The following TMEM38B variants were observed in gnomAD, a reference collection of about 807,000 sequenced individuals.
The protein encoded by TMEM38B is trimeric intracellular cation channel type B.
TMEM38B carries 24 observed loss-of-function variants against 28.7 expected under a neutral mutation model. The ratio of observed to expected loss-of-function variants is 0.84; its 90% CI spans 0.61 to 1.18. The LOEUF (loss-of-function observed/expected upper bound fraction) is 1.18, where lower values mean the gene tolerates loss of function less well. Ranked by LOEUF, TMEM38B falls within the 50% of genes most tolerant of loss-of-function variation. The pLI is 0.00. For missense variants in TMEM38B, 380 were observed against 350.9 expected, an observed-to-expected ratio of 1.08 and a Z score of -0.66; for synonymous variants, 131 against 127.7, an observed-to-expected ratio of 1.03 and a Z score of -0.17.
At chr9:105,766,246 C>CTGAT (rs1188272391) in intron 5 of TMEM38B, among the ~76,000 whole-genome samples, 2 of 152,186 alleles carry the variant, frequency 1.3e-5, no homozygotes, top group African/African-American at 4.8e-5. Context: ...TATGAGAGTT[C>CTGAT]TGATTGTCCT....
chr9:105,710,553 T>C (rs1331780163), intron 2 of TMEM38B: 1 of 995,104 alleles, frequency 1.0e-6, no homozygotes, highest in Non-Finnish European at 1.6e-6. Flanking sequence ...CCTCCACAAA[T>C]CCACTTTCTG....
intron 5 of TMEM38B, among the ~76,000 whole-genome samples, chr9:105,750,118 T>C (rs1163526461): frequency 6.6e-6 from 1 of 152,230 alleles, no homozygotes; most frequent in Non-Finnish European, 1.5e-5. Flanking sequence ...TTTTTTGTGC[T>C]TGTTAGGTAT....
intron 5 of TMEM38B, among the ~76,000 whole-genome samples, chr9:105,757,350 G>C (rs747189294): frequency 1.3e-5 from 2 of 152,056 alleles, no homozygotes; most frequent in Non-Finnish European, 2.9e-5. Flanking sequence ...TTTTGCAATT[G>C]CTAATTGTGC....
chr9:105,774,237 C>T lies in TMEM38B; in HGVS notation c.*157C>T, dbSNP rs1351946561. The T allele has an allele frequency of 1.6e-6, 1 of 625,662 alleles. No individual in the cohort carries two copies. The highest frequency in any genetic ancestry group is 2.1e-5 in the South Asian group (1 of 48,672). 38.8% of individuals were successfully genotyped at this position (625,662 alleles called of 1,614,324 possible). ...ATTCTTTGTTTGAGGGAGACTTCCCCTTTCTGGATTGTATTTGTAGAGTGT... is the reference window on the plus strand; with the variant it reads ...ATTCTTTGTTTGAGGGAGACTTCCCTTTTCTGGATTGTATTTGTAGAGTGT... On this transcript the variant is annotated 3_prime_UTR_variant, in exon 6 of 6. Coordinates refer to ENST00000374692, the MANE Select transcript of TMEM38B (RefSeq NM_018112.3).
chr9:105,747,427 C>G (rs959370038), intron 4 of TMEM38B, among the ~76,000 whole-genome samples: 3 of 152,154 alleles, frequency 2.0e-5, no homozygotes, highest in East Asian at 1.9e-4. Context: ...GTGATATCCC[C>G]TTTATCATTT....
At chr9:105,736,432 C>A (rs1201265379) in intron 4 of TMEM38B, among the ~76,000 whole-genome samples, 1 of 151,894 alleles carries the variant, frequency 6.6e-6, no homozygotes, top group Non-Finnish European at 1.5e-5. Context: ...TTCTTCAGCT[C>A]CAAGATTTTT....
At position 105,694,584 on chromosome 9, in the gene TMEM38B, C is replaced by A. The variant is rs908950851; in HGVS notation, c.-77C>A. 2.5e-6 allele frequency: 3 copies of A among 1,201,076 alleles called. No individual in the cohort carries two copies. In the South Asian group the frequency reaches 3.8e-5, roughly 15 times the overall value. The allele number at this position is 1,201,076 out of a possible 1,614,324, so 74.4% of individuals were successfully genotyped here. A position where few individuals can be genotyped will look rare whatever the true frequency, so the allele number is the denominator to read the frequency against. On this transcript the variant is annotated 5_prime_UTR_variant, in exon 1 of 6. Coordinates refer to ENST00000374692, the MANE Select transcript of TMEM38B (RefSeq NM_018112.3). ...GAGGAGCGGGCGGCCGCGGCTGTGCCCTCTCCTACTCCTCACCGCGCGAGC... is the reference window on the plus strand; with the variant it reads ...GAGGAGCGGGCGGCCGCGGCTGTGCACTCTCCTACTCCTCACCGCGCGAGC...
intron 5 of TMEM38B, among the ~76,000 whole-genome samples, chr9:105,763,453 C>T (rs1262551470): frequency 6.6e-6 from 1 of 152,132 alleles, no homozygotes; most frequent in African/African-American, 2.4e-5. Context: ...ACTACAAACA[C>T]CTCTATGCAA....
chr9:105,746,013 A>G lies in TMEM38B; in HGVS notation c.543-2060A>G, dbSNP rs530381563. Among the ~76,000 whole-genome samples the G allele has an allele frequency of 1.2e-3, 187 of 152,188 alleles. 1 individual carries two copies. The highest frequency in any genetic ancestry group is 4.2e-3 in the African/African-American group (174 of 41,530). Reference sequence around the variant, plus strand: ...GTAGTATAGTTTGAAGTCAGGTAGCATGATGCCTCCAGCTTTGTTCTTTTG... The same window carrying G: ...GTAGTATAGTTTGAAGTCAGGTAGCGTGATGCCTCCAGCTTTGTTCTTTTG... On this transcript the variant is annotated intron_variant, in intron 4 of 5. Coordinates refer to ENST00000374692, the MANE Select transcript of TMEM38B (RefSeq NM_018112.3).
Position 105,767,481 on chromosome 9 carries a change from C to T in TMEM38B, c.661-6384C>T, listed in dbSNP as rs10116197. On this transcript the variant is annotated intron_variant, in intron 5 of 5. Coordinates refer to ENST00000374692, the MANE Select transcript of TMEM38B (RefSeq NM_018112.3). ...AAGTTGTCACTTCCTATGGAAAAAACGCCTTCTGGAATTGTTTTTGAGATT... is the reference window on the plus strand; with the variant it reads ...AAGTTGTCACTTCCTATGGAAAAAATGCCTTCTGGAATTGTTTTTGAGATT... Among the ~76,000 whole-genome samples the T allele has an allele frequency of 8.6e-3, 1,307 of 152,170 alleles. 17 individuals carry two copies. Among genetic ancestry groups the T allele is most frequent in the African/African-American group, 0.03 (1,231 of 41,514 alleles).
At chr9:105,727,564 A>G (rs1468341545) in intron 4 of TMEM38B, among the ~76,000 whole-genome samples, 3 of 152,318 alleles carry the variant, frequency 2.0e-5, no homozygotes, top group Admixed American at 1.3e-4. Flanking sequence ...TGAAGACCAA[A>G]ATGTTCCAAT....
intron 5 of TMEM38B, among the ~76,000 whole-genome samples, chr9:105,757,483 A>G (rs559024230): frequency 1.3e-5 from 2 of 152,344 alleles, no homozygotes; most frequent in East Asian, 1.9e-4. Context: ...AAGAATCTCC[A>G]TACTGTTTTC....
At chr9:105,755,312 G>A (rs1218853904) in intron 5 of TMEM38B, among the ~76,000 whole-genome samples, 1 of 152,106 alleles carries the variant, frequency 6.6e-6, no homozygotes, top group African/African-American at 2.4e-5. Flanking sequence ...GGTGGAGGGA[G>A]GGAGAGCATC....
intron 4 of TMEM38B, among the ~76,000 whole-genome samples, chr9:105,730,775 C>A (rs1363181027): frequency 1.3e-5 from 2 of 152,244 alleles, no homozygotes; most frequent in East Asian, 3.9e-4. Context: ...GATTCAACTT[C>A]TTCCTGGTTT....
intron 4 of TMEM38B, among the ~76,000 whole-genome samples, chr9:105,724,291 G>A (rs1836429449): frequency 6.6e-6 from 1 of 152,138 alleles, no homozygotes; most frequent in Non-Finnish European, 1.5e-5. Flanking sequence ...GTAAAAATAA[G>A]CTCATTTTCT....
In TMEM38B at chr9:105,694,591, T is replaced by C; in HGVS notation, c.-70T>C. ...GGGCGGCCGCGGCTGTGCCCTCTCC[T>C]ACTCCTCACCGCGCGAGCGCGGGGA... On this transcript the variant is annotated 5_prime_UTR_variant, in exon 1 of 6. Coordinates refer to ENST00000374692, the MANE Select transcript of TMEM38B (RefSeq NM_018112.3). 3.0e-6 allele frequency: 4 copies of C among 1,333,728 alleles called. No homozygotes were observed. The highest frequency in any genetic ancestry group is 1.7e-5 in the Admixed American group (1 of 58,642). 82.6% of individuals were successfully genotyped at this position (1,333,728 alleles called of 1,614,324 possible).
At chr9:105,723,730 T>A (rs911383093) in intron 4 of TMEM38B, among the ~76,000 whole-genome samples, 4 of 152,260 alleles carry the variant, frequency 2.6e-5, no homozygotes, top group Admixed American at 2.6e-4. Flanking sequence ...GGGGTCTTGC[T>A]GTGTTGCCCA....
chr9:105,751,371 C>T (rs145419029), intron 5 of TMEM38B, among the ~76,000 whole-genome samples: 10 of 152,270 alleles, frequency 6.6e-5, no homozygotes, highest in East Asian at 1.9e-4. Flanking sequence ...TGGACCTTTG[C>T]GACCCGTAGA....
At chr9:105,754,612 G>T (rs1837769646) in intron 5 of TMEM38B, among the ~76,000 whole-genome samples, 1 of 152,154 alleles carries the variant, frequency 6.6e-6, no homozygotes, top group South Asian at 2.1e-4. Flanking sequence ...CAGAAACTCT[G>T]GGATGCAGCT....
Sources: allele counts gnomAD v4.1 joint callset (sites outside exome capture counted in the v4.1 genomes callset), GRCh38; gene constraint gnomAD v4.1.1; transcripts MANE v1.5; gene names NCBI Gene and HGNC (gene_info 2026-07-23, HGNC 2026-07-21).